SNTG1: variants seen among roughly 807,000 people sequenced by gnomAD.
SNTG1 encodes syntrophin gamma 1.
SNTG1 carries 39 observed loss-of-function variants against 74.7 expected under a neutral mutation model. The observed-to-expected ratio is 0.52, with a 90% confidence interval of 0.40 to 0.68. SNTG1 has a LOEUF of 0.68. Among genes scored for constraint, SNTG1 ranks in the 30% least tolerant of loss-of-function variants. The pLI, the probability that SNTG1 is intolerant of heterozygous loss-of-function variation, is 0.00. For synonymous variants in SNTG1, 254 were observed against 217.1 expected (o/e 1.17, Z -1.49); for missense variants, 685 against 609.5 (o/e 1.12, Z -1.30).
At chr8:50,402,794 C>T (rs1176615194) in intron 4 of SNTG1, among the ~76,000 whole-genome samples, 3 of 152,118 alleles carry the variant, frequency 2.0e-5, no homozygotes, top group Admixed American at 2.0e-4. Flanking sequence ...GAGTGGTGTT[C>T]CCCTAGGATA....
At chr8:50,481,273 C>T (rs1163177763) in intron 8 of SNTG1, among the ~76,000 whole-genome samples, 3 of 152,012 alleles carry the variant, frequency 2.0e-5, no homozygotes, top group African/African-American at 7.2e-5. Flanking sequence ...CCCAGCTACT[C>T]GGGAGGCTGA....
chr8:50,245,151 T>C lies in SNTG1; in HGVS notation c.-28+72516T>C, dbSNP rs182761764. On this transcript the variant is annotated intron_variant, in intron 2 of 18. Coordinates refer to ENST00000642720, the MANE Select transcript of SNTG1 (RefSeq NM_018967.5). ...ATTCTCTGGGTCAGTCAGATTGTTC[T>C]CTCTCTTCCAAATGGCCTAAGAAGT... 1.6e-3 allele frequency among the ~76,000 whole-genome samples: 240 copies of C among 152,268 alleles called. 2 individuals are homozygous for C. Among genetic ancestry groups the C allele is most frequent in the African/African-American group, 5.5e-3 (229 of 41,572 alleles).
intron 1 of SNTG1, among the ~76,000 whole-genome samples, chr8:49,926,539 C>G (rs904987291): frequency 6.6e-6 from 1 of 151,922 alleles, no homozygotes; most frequent in Non-Finnish European, 1.5e-5. Context: ...CATTCACATG[C>G]AAAGAAAATG....
chr8:50,093,864 T>G (rs558080515), intron 1 of SNTG1, among the ~76,000 whole-genome samples: 1 of 152,164 alleles, frequency 6.6e-6, no homozygotes, highest in African/African-American at 2.4e-5. Context: ...TGTTGTGAGG[T>G]TTCAGAAGAA....
chr8:50,785,453 T>C (rs2095672004), intron 18 of SNTG1, among the ~76,000 whole-genome samples: 1 of 151,982 alleles, frequency 6.6e-6, no homozygotes, highest in Non-Finnish European at 1.5e-5. Flanking sequence ...CAACACCAAC[T>C]AATGAAACTG....
At chr8:50,515,908 C>G (rs6989101) in intron 9 of SNTG1, among the ~76,000 whole-genome samples, 1 of 151,932 alleles carries the variant, frequency 6.6e-6, no homozygotes, top group Admixed American at 6.6e-5. Context: ...TGCCTGCCGG[C>G]TCTGAATGGA....
In SNTG1 at chr8:49,931,751, G is replaced by A. The variant is rs187740135; in HGVS notation, c.-103+19520G>A. Reference sequence around the variant, plus strand: ...TACTTGCTCAATATGAATGAATGTCGCAATCACAATACTGAGTGAATACAA... The same window carrying A: ...TACTTGCTCAATATGAATGAATGTCACAATCACAATACTGAGTGAATACAA... On this transcript the variant is annotated intron_variant, in intron 1 of 18. Coordinates refer to ENST00000642720, the MANE Select transcript of SNTG1 (RefSeq NM_018967.5). 5.9e-5 allele frequency among the ~76,000 whole-genome samples: 9 copies of A among 152,166 alleles called. No homozygotes were observed. In the East Asian group the frequency reaches 1.5e-3, roughly 26 times the overall value.
chr8:50,138,836 T>C (rs2081566339), intron 1 of SNTG1, among the ~76,000 whole-genome samples: 1 of 152,054 alleles, frequency 6.6e-6, no homozygotes, highest in Admixed American at 6.6e-5. Context: ...GTGGGTAGGA[T>C]TATTGCATAT....
intron 2 of SNTG1, among the ~76,000 whole-genome samples, chr8:50,384,365 T>C (rs4604450): frequency 0.69 from 104,742 of 152,128 alleles, 36,280 homozygotes; most frequent in East Asian, 0.84. Context: ...TGATGACAGT[T>C]AATAAGGCAT....
chr8:49,963,891 G>A (rs1810914930), intron 1 of SNTG1, among the ~76,000 whole-genome samples: 1 of 152,120 alleles, frequency 6.6e-6, no homozygotes, highest in Non-Finnish European at 1.5e-5. Flanking sequence ...TTTTTCTTCA[G>A]CTTCTCATCA....
chr8:50,434,942 T>A (rs1361510800), intron 4 of SNTG1, among the ~76,000 whole-genome samples: 1 of 152,162 alleles, frequency 6.6e-6, no homozygotes, highest in African/African-American at 2.4e-5. Flanking sequence ...TCCTAACTTT[T>A]TTCCATACAA....
At chr8:50,128,750 A>G (rs151300389) in intron 1 of SNTG1, among the ~76,000 whole-genome samples, 95 of 152,176 alleles carry the variant, frequency 6.2e-4, no homozygotes, top group Non-Finnish European at 1.1e-3. Flanking sequence ...GCTTGCAGTT[A>G]GTTTCATAAA....
At chr8:50,591,317 C>T (rs972787774) in intron 13 of SNTG1, among the ~76,000 whole-genome samples, 1 of 151,976 alleles carries the variant, frequency 6.6e-6, no homozygotes, top group Non-Finnish European at 1.5e-5. Flanking sequence ...TAAGTTAATG[C>T]ATAGAACAAA....
chr8:50,489,630 T>C (rs2093832255), intron 8 of SNTG1, among the ~76,000 whole-genome samples: 1 of 152,226 alleles, frequency 6.6e-6, no homozygotes, highest in Non-Finnish European at 1.5e-5. Flanking sequence ...TTGTTTGTTT[T>C]TTCTTGTAAA....
At chr8:50,595,461 A>C (rs553874901) in intron 13 of SNTG1, among the ~76,000 whole-genome samples, 241 of 152,218 alleles carry the variant, frequency 1.6e-3, no homozygotes, top group African/African-American at 5.6e-3. Context: ...TTATGTAAAA[A>C]TTTATGTATT....
intron 13 of SNTG1, among the ~76,000 whole-genome samples, chr8:50,603,908 G>A (rs2094793348): frequency 6.6e-6 from 1 of 152,198 alleles, no homozygotes; most frequent in African/African-American, 2.4e-5. Flanking sequence ...GGACTGCACT[G>A]GGTCAAACCC....
intron 2 of SNTG1, among the ~76,000 whole-genome samples, chr8:50,286,214 A>G (rs1362851589): frequency 1.3e-5 from 2 of 152,184 alleles, no homozygotes; most frequent in Admixed American, 6.6e-5. Flanking sequence ...AGAGGAGACC[A>G]ACAAAAAGCA....
chr8:50,013,003 T>A (rs1305978332), intron 1 of SNTG1, among the ~76,000 whole-genome samples: 1 of 152,122 alleles, frequency 6.6e-6, no homozygotes, highest in African/African-American at 2.4e-5. Context: ...TGAATCCTAC[T>A]TCTAAGAGTT....
chr8:50,088,623 A>G (rs1426730179), intron 1 of SNTG1, among the ~76,000 whole-genome samples: 4 of 123,290 alleles, frequency 3.2e-5, no homozygotes, highest in East Asian at 2.3e-4. Context: ...AGAGAAACAG[A>G]GAGCCAAATC....
Sources: allele counts gnomAD v4.1 joint callset (sites outside exome capture counted in the v4.1 genomes callset), GRCh38; gene constraint gnomAD v4.1.1; transcripts MANE v1.5; gene names NCBI Gene and HGNC (gene_info 2026-07-23, HGNC 2026-07-21).